Variants in PTPRK observed in about 807,000 individuals in gnomAD.
PTPRK encodes receptor-type tyrosine-protein phosphatase kappa.
PTPRK carries 75 observed loss-of-function variants against 178.0 expected under a neutral mutation model. The observed-to-expected ratio is 0.42, with a 90% CI of 0.35 to 0.51. The LOEUF is 0.51. Among genes scored for constraint, PTPRK ranks in the 20% least tolerant of loss-of-function variants. The pLI, the probability that PTPRK is intolerant of heterozygous loss-of-function variation, is 0.02. For synonymous variants in PTPRK, 637 were observed against 620.6 expected, an observed-to-expected ratio of 1.03 and a Z score of -0.39; for missense variants, 1,441 against 1,797.8, an observed-to-expected ratio of 0.80 and a Z score of 3.59.
At chr6:128,357,029 T>A (rs1462572480) in intron 2 of PTPRK, among the ~76,000 whole-genome samples, 1 of 152,166 alleles carries the variant, frequency 6.6e-6, no homozygotes, top group Non-Finnish European at 1.5e-5. Flanking sequence ...GTTTGAATAC[T>A]GGGGAAGCCT....
intron 2 of PTPRK, among the ~76,000 whole-genome samples, chr6:128,324,812 G>A (rs1829325907): frequency 6.6e-6 from 1 of 152,124 alleles, no homozygotes. Flanking sequence ...TAGGGAGGAA[G>A]CTGCCTGTCT....
At chr6:128,083,306 G>A (rs1443649154) in intron 9 of PTPRK, among the ~76,000 whole-genome samples, 1 of 151,848 alleles carries the variant, frequency 6.6e-6, no homozygotes, top group Non-Finnish European at 1.5e-5. Context: ...TTTGCTTTTT[G>A]GGTATTATTC....
intron 2 of PTPRK, among the ~76,000 whole-genome samples, chr6:128,330,956 G>A (rs572761921): frequency 1.3e-5 from 2 of 152,238 alleles, no homozygotes; most frequent in South Asian, 2.1e-4. Context: ...ACCTTCCTCT[G>A]TTTGAAATGC....
intron 13 of PTPRK, among the ~76,000 whole-genome samples, chr6:128,040,481 A>G (rs1776987000): frequency 6.6e-6 from 1 of 152,074 alleles, no homozygotes; most frequent in Non-Finnish European, 1.5e-5. Flanking sequence ...GTTTCCTCAA[A>G]CAAAGGGCAA....
chr6:128,075,218 C>CT (rs1420316237), intron 11 of PTPRK, among the ~76,000 whole-genome samples: 1 of 152,026 alleles, frequency 6.6e-6, no homozygotes, highest in Non-Finnish European at 1.5e-5. Flanking sequence ...ACAGGGACTA[C>CT]TCCAGCCTTC....
At chr6:128,000,264 C>G (rs1282573925) in intron 15 of PTPRK, 3 of 1,255,350 alleles carry the variant, frequency 2.4e-6, no homozygotes, top group Non-Finnish European at 3.1e-6. Context: ...CCTGTTCTAT[C>G]ACCAACTCTA....
At chr6:128,291,830 C>G (rs900905420) in intron 3 of PTPRK, among the ~76,000 whole-genome samples, 1 of 152,094 alleles carries the variant, frequency 6.6e-6, no homozygotes, top group South Asian at 2.1e-4. Flanking sequence ...TACAGTCATC[C>G]CTGTTCACAT....
chr6:128,213,019 A>G (rs1276989890), intron 6 of PTPRK, among the ~76,000 whole-genome samples: 2 of 152,054 alleles, frequency 1.3e-5, no homozygotes, highest in East Asian at 3.9e-4. Flanking sequence ...GTCAATATTC[A>G]TATTAGATTT....
In PTPRK at chr6:128,520,504, G is replaced by A. The variant is rs1216589503; in HGVS notation, c.-146C>T. 1.4e-6 allele frequency: 1 copy of A among 725,216 alleles called. No individual in the cohort carries two copies. Among genetic ancestry groups the A allele is most frequent in the Non-Finnish European group, 2.3e-6 (1 of 435,838 alleles). The allele number at this position is 725,216 out of a possible 1,614,324, so 44.9% of individuals were successfully genotyped here. A position where few individuals can be genotyped will look rare whatever the true frequency, so the allele number is the denominator to read the frequency against. Reference sequence around the variant, plus strand: ...CCGCCCGCCCTTTTTCCTTCTTCGCGGTCGCCAAACTACCTCAGGGGCGAA... The same window carrying A: ...CCGCCCGCCCTTTTTCCTTCTTCGCAGTCGCCAAACTACCTCAGGGGCGAA... On this transcript the variant is annotated 5_prime_UTR_variant, in exon 1 of 30. Coordinates refer to ENST00000368226, the MANE Select transcript of PTPRK (RefSeq NM_002844.4).
chr6:128,414,042 C>A (rs1842583811), intron 1 of PTPRK, among the ~76,000 whole-genome samples: 4 of 152,108 alleles, frequency 2.6e-5, no homozygotes, highest in African/African-American at 7.2e-5. Flanking sequence ...AAAGTAGATT[C>A]ATTCAGCCCT....
In PTPRK at chr6:127,998,715, T is replaced by C. The variant is rs1207806378; in HGVS notation, c.2679+5A>G. ...AAATTCAATACAGTATCAAAACTTA[T>C]TCACCTCATATTCCTCTTTGAACCC... On this transcript the variant is annotated splice_donor_5th_base_variant and intron_variant, in intron 16 of 29. Transcript: ENST00000368226. 4 of 1,553,430 alleles carry C rather than the reference T, an allele frequency of 2.6e-6. No individual in the cohort carries two copies. The Middle Eastern group carries it at 7.0e-4, about 270-fold the overall frequency.
At position 128,089,703 on chromosome 6, in the gene PTPRK, T is replaced by C; in HGVS notation, c.1452A>G (p.Gln484=). 6.2e-7 allele frequency: 1 copy of C among 1,610,636 alleles called. No homozygotes were observed. Among genetic ancestry groups the C allele is most frequent in the African/African-American group, 1.3e-5 (1 of 74,950 alleles). The change falls in exon 8 of 30, where the codon CAA becomes CAG. Residue 484 remains glutamine (Q), a synonymous_variant. Coordinates refer to ENST00000368226, the MANE Select transcript of PTPRK (RefSeq NM_002844.4). The stretch of plus-strand genomic sequence containing the variant: ...GTATGAGCATACCATCTTCATCAGT[T>C]TGAATAATTGTCTCTTCACTCTCCT... ...GRKESEETII[Q]TDEDVPGPVP...
rs376349709 is a variant in PTPRK, at chr6:127,982,963, A to G, written c.3405T>C (p.Ile1135=). The G allele has an allele frequency of 1.2e-6, 2 of 1,612,954 alleles. No individual in the cohort carries two copies. The highest frequency in any genetic ancestry group is 1.7e-6 in the Non-Finnish European group (2 of 1,179,378). ...MVQTEEQYIF[I]HDAILEACLC... ...AGCAGGCTTCTAAAATGGCATCATG[A>G]ATAAAAATGTACTGTTCCTACCAAA... Residue 1135 remains isoleucine, a synonymous_variant, in exon 24 of 30, where the codon ATT becomes ATC. Transcript: ENST00000368226.
At chr6:128,103,318 A>G (rs1236701108) in intron 7 of PTPRK, among the ~76,000 whole-genome samples, 2 of 152,076 alleles carry the variant, frequency 1.3e-5, no homozygotes, top group African/African-American at 4.8e-5. Flanking sequence ...CCATCCTTCA[A>G]GTCTTTGTGT....
chr6:128,464,677 A>ATGTATATATATATATAT (rs1367306428), intron 1 of PTPRK, among the ~76,000 whole-genome samples: 1 of 130,252 alleles, frequency 7.7e-6, no homozygotes, highest in South Asian at 2.5e-4. Context: ...ATATATATAC[A>ATGTATATATATATATAT]ACAGATGGTC....
intron 5 of PTPRK, among the ~76,000 whole-genome samples, chr6:128,233,468 C>G (rs1334186729): frequency 6.6e-6 from 1 of 152,188 alleles, no homozygotes; most frequent in East Asian, 1.9e-4. Flanking sequence ...ACGGTTGGTA[C>G]AGTAGGGGGT....
At position 127,981,373 on chromosome 6, in the gene PTPRK, C is replaced by T. The variant is rs1470873005; in HGVS notation, c.3538-84G>A. On this transcript the variant is annotated intron_variant, in intron 24 of 29. Transcript: ENST00000368226. ...CAGATCCATCAGGAATTTAGAAGGC[C>T]AAGTAGAAAGTGAAGGATTTGTGCG... The T allele has an allele frequency of 5.7e-6, 7 of 1,234,954 alleles. No individual in the cohort carries two copies. In the Admixed American group the frequency reaches 7.2e-5, roughly 13 times the overall value. 76.5% of individuals were successfully genotyped at this position (1,234,954 alleles called of 1,614,324 possible). A position where few individuals can be genotyped will look rare whatever the true frequency, so the allele number is the denominator to read the frequency against.
At chr6:128,257,877 T>G (rs1200881429) in intron 3 of PTPRK, among the ~76,000 whole-genome samples, 2 of 152,138 alleles carry the variant, frequency 1.3e-5, no homozygotes, top group Non-Finnish European at 2.9e-5. Context: ...CTATACTGCG[T>G]GTCACCAAAA....
intron 15 of PTPRK, chr6:128,003,116 T>C (rs1583595089): frequency 7.2e-7 from 1 of 1,394,518 alleles, no homozygotes; most frequent in East Asian, 2.5e-5. Flanking sequence ...TCCTGCACTG[T>C]AAATAATCTC....
Sources: allele counts gnomAD v4.1 joint callset (sites outside exome capture counted in the v4.1 genomes callset), GRCh38; gene constraint gnomAD v4.1.1; transcripts MANE v1.5; gene names NCBI Gene and HGNC (gene_info 2026-07-23, HGNC 2026-07-21).